The following ZFP82 variants were observed in gnomAD, a reference collection of about 807,000 sequenced individuals.
ZFP82 encodes the protein ZFP82 zinc finger protein.
ZFP82 carries 30 observed loss-of-function variants against 54.0 expected under a neutral mutation model. The observed-to-expected ratio is 0.56, with a 90% CI of 0.42 to 0.75. ZFP82 has a LOEUF of 0.75. Among genes scored for constraint, ZFP82 ranks in the 30% least tolerant of loss-of-function variants. ZFP82 has a pLI of 0.00. For synonymous variants in ZFP82, 194 were observed against 209.5 expected (o/e 0.93, Z 0.64); for missense variants, 500 against 636.8 (o/e 0.79, Z 2.31).
chr19:36,386,165 T>C (rs1274059328), downstream of ZFP82, among the ~76,000 whole-genome samples: 1 of 152,232 alleles, frequency 6.6e-6, no homozygotes, highest in African/African-American at 2.4e-5. Context: ...CACTGGCTCA[T>C]GCTGCCTCAT....
In ZFP82 at chr19:36,393,337, C is replaced by T; in HGVS notation, c.1003G>A (p.Glu335Lys). The change falls in exon 5 of 5, where the codon GAG becomes AAG. Residue 335 changes from glutamate (E) to lysine (K), a missense_variant. Physicochemically the swap from Glu to Lys is moderately conservative, Grantham distance 56. Coordinates refer to ENST00000392161, the MANE Select transcript of ZFP82 (RefSeq NM_133466.4). ...LRVHHKLHTG[E>K]KPYECKECGK... The stretch of plus-strand genomic sequence containing the variant: ...CATTCCTTACATTCATAGGGTTTCT[C>T]ACCAGTATGAAGTTTGTGATGTACT... 1 of 1,614,104 alleles carries T rather than the reference C, an allele frequency of 6.2e-7. No homozygotes were observed. The highest frequency in any genetic ancestry group is 8.5e-7 in the Non-Finnish European group (1 of 1,180,024).
chr19:36,384,202 G>A (rs1320107814), downstream of ZFP82: 1 of 152,104 alleles, frequency 6.6e-6, no homozygotes, highest in Non-Finnish European at 1.5e-5. Context: ...TTTTCACAGT[G>A]AGAAAATGCT....
chr19:36,409,992 C>T lies in ZFP82; in HGVS notation c.-78-125G>A, dbSNP rs1047163790. 4.1e-5 allele frequency: 23 copies of T among 565,216 alleles called. 1 individual carries two copies. The highest frequency in any genetic ancestry group is 2.4e-4 in the Admixed American group (8 of 33,246). 35.0% of individuals were successfully genotyped at this position (565,216 alleles called of 1,614,324 possible). A position where few individuals can be genotyped will look rare whatever the true frequency, so the allele number is the denominator to read the frequency against. On this transcript the variant is annotated intron_variant, in intron 1 of 4. Transcript: ENST00000392161. ...CCACAGCTCCTCCAACACACACGCGCGCACACACACATAGGCAGAGAGAGA... is the reference window on the plus strand; with the variant it reads ...CCACAGCTCCTCCAACACACACGCGTGCACACACACATAGGCAGAGAGAGA...
At chr19:36,386,813 G>A (rs1343595635), downstream of ZFP82, among the ~76,000 whole-genome samples, 1 of 152,222 alleles carries the variant, frequency 6.6e-6, no homozygotes, top group South Asian at 2.1e-4. Flanking sequence ...GGCAGATGCT[G>A]TAATCCCAGC....
At chr19:36,400,996 T>C (rs1431890343) in intron 4 of ZFP82, among the ~76,000 whole-genome samples, 1 of 152,178 alleles carries the variant, frequency 6.6e-6, no homozygotes, top group East Asian at 1.9e-4. Flanking sequence ...TCAGTCCTCA[T>C]TCTCTACTCC....
chr19:36,395,376 T>A (rs2145581624), intron 4 of ZFP82: 1 of 152,328 alleles, frequency 6.6e-6, no homozygotes, highest in Non-Finnish European at 1.5e-5. Flanking sequence ...GCCATTCCTG[T>A]TTTTTTAGGA....
At chr19:36,407,401 G>T (rs1263113271) in intron 3 of ZFP82, among the ~76,000 whole-genome samples, 3 of 152,194 alleles carry the variant, frequency 2.0e-5, no homozygotes, top group Admixed American at 6.5e-5. Context: ...AATCATAAAG[G>T]TAGGTAAAAC....
chr19:36,405,279 TA>T (rs1186654193), intron 4 of ZFP82, among the ~76,000 whole-genome samples: 1 of 151,610 alleles, frequency 6.6e-6, no homozygotes, highest in Non-Finnish European at 1.5e-5. Context: ...AGCACCACCT[TA>T]CCCCTCAGCT....
Position 36,393,797 on chromosome 19 carries a change from C to G in ZFP82, c.543G>C (p.Val181=). The G allele has an allele frequency of 6.2e-7, 1 of 1,612,790 alleles. No homozygotes were observed. Among genetic ancestry groups the G allele is most frequent in the South Asian group, 1.1e-5 (1 of 90,978 alleles). Residue 181 remains valine, a synonymous_variant, in exon 5 of 5, where the codon GTG becomes GTC. Transcript: ENST00000392161. ...ECKECGKAFR[V]RQQLTFHHRI... ...TGTGATGAAAAGTAAGCTGTTGGCG[C>G]ACTCTGAACGCCTTCCCACATTCCT...
Position 36,412,040 on chromosome 19 carries a change from C to T in ZFP82, c.-78-2173G>A, listed in dbSNP as rs1042539623. On this transcript the variant is annotated intron_variant, in intron 1 of 4. Coordinates refer to ENST00000392161, the MANE Select transcript of ZFP82 (RefSeq NM_133466.4). ...AACAAACAGTTGTGAGTAGTATGAT[C>T]CTGTTAAGGTACAGCAAAAACAGAC... 3.3e-5 allele frequency among the ~76,000 whole-genome samples: 5 copies of T among 150,402 alleles called. No homozygotes were observed. In the Admixed American group the frequency reaches 3.3e-4, roughly 10 times the overall value.
intron 4 of ZFP82, among the ~76,000 whole-genome samples, chr19:36,403,278 A>T (rs2032420871): frequency 6.7e-6 from 1 of 148,966 alleles, no homozygotes; most frequent in Non-Finnish European, 1.5e-5. Context: ...AGCTGAAATC[A>T]CACCACTGCA....
intron 3 of ZFP82, among the ~76,000 whole-genome samples, chr19:36,406,397 A>T (rs931435528): frequency 6.6e-6 from 1 of 152,204 alleles, no homozygotes; most frequent in Admixed American, 6.5e-5. Flanking sequence ...ACTGGCAGTC[A>T]ATCCTCATTC....
Position 36,389,734 on chromosome 19 carries a change from C to T in ZFP82, c.*3007G>A, listed in dbSNP as rs906695072. 3.3e-5 allele frequency among the ~76,000 whole-genome samples: 5 copies of T among 152,142 alleles called. No individual in the cohort carries two copies. The highest frequency in any genetic ancestry group is 7.4e-5 in the Non-Finnish European group (5 of 68,018). On this transcript the variant is annotated 3_prime_UTR_variant, in exon 5 of 5. Coordinates refer to ENST00000392161, the MANE Select transcript of ZFP82 (RefSeq NM_133466.4). Reference sequence around the variant, plus strand: ...GTATTGACTATGTTTTCTTTATTTTCTGTATTCCTGATGCTCTGGCCACTT... The same window carrying T: ...GTATTGACTATGTTTTCTTTATTTTTTGTATTCCTGATGCTCTGGCCACTT...
In ZFP82 at chr19:36,402,468, C is replaced by CAAAAAAA. The variant is rs377338348; in HGVS notation, c.229+3105_229+3111dup. 3.0e-4 allele frequency among the ~76,000 whole-genome samples: 17 copies of CAAAAAAA among 57,442 alleles called. 1 individual carries two copies. The highest frequency in any genetic ancestry group is 2.5e-3 in the South Asian group (3 of 1,206). 37.7% of individuals were successfully genotyped at this position (57,442 alleles called of 152,430 possible). A position where few individuals can be genotyped will look rare whatever the true frequency, so the allele number is the denominator to read the frequency against. ...TGGACAGAAGAGCGAGACTCCATCT[C>CAAAAAAA]AAAAAAAAAAAAAAAAAAAGATTAG... On this transcript the variant is annotated intron_variant, in intron 4 of 4. Coordinates refer to ENST00000392161, the MANE Select transcript of ZFP82 (RefSeq NM_133466.4).
At chr19:36,394,445 A>G in intron 4 of ZFP82, 1 of 221,254 alleles carries the variant, frequency 4.5e-6, no homozygotes, top group Non-Finnish European at 8.9e-6. Flanking sequence ...AAGGATATTT[A>G]ATATTCTCTA....
downstream of ZFP82, among the ~76,000 whole-genome samples, chr19:36,387,696 C>A (rs2032131404): frequency 1.3e-5 from 2 of 152,230 alleles, no homozygotes; most frequent in Admixed American, 1.3e-4. Context: ...CAGCTCACTG[C>A]AACCTCCACC....
At chr19:36,415,101 G>A (rs566890373) in intron 1 of ZFP82, among the ~76,000 whole-genome samples, 6 of 152,268 alleles carry the variant, frequency 3.9e-5, no homozygotes, top group South Asian at 2.1e-4. Context: ...AATTACAGGC[G>A]TGAGCCACCA....
intron 4 of ZFP82, among the ~76,000 whole-genome samples, chr19:36,398,831 A>C (rs988387464): frequency 2.6e-5 from 4 of 152,146 alleles, no homozygotes; most frequent in African/African-American, 9.7e-5. Flanking sequence ...AAAAAAGCTC[A>C]GTGAAACTGT....
At chr19:36,395,421 C>T (rs139715464) in intron 4 of ZFP82, 8 of 152,252 alleles carry the variant, frequency 5.3e-5, no homozygotes, top group African/African-American at 1.4e-4. Flanking sequence ...CAGGAAAACA[C>T]GTCTATATCT....
Sources: allele counts gnomAD v4.1 joint callset (sites outside exome capture counted in the v4.1 genomes callset), GRCh38; gene constraint gnomAD v4.1.1; transcripts MANE v1.5; gene names NCBI Gene and HGNC (gene_info 2026-07-23, HGNC 2026-07-21).